Variants in GPHN observed in about 807,000 individuals in gnomAD.
GPHN encodes the protein gephyrin.
A neutral mutation model predicts 95.5 loss-of-function variants in GPHN; 17 were observed. The ratio of observed to expected loss-of-function variants is 0.18; its 90% CI spans 0.12 to 0.27. The LOEUF (loss-of-function observed/expected upper bound fraction) is 0.27. GPHN is among the 10% of genes least tolerant of loss of function. GPHN has a pLI of 1.00. For missense variants in GPHN, 660 were observed against 978.1 expected, an observed-to-expected ratio of 0.67 and a Z score of 4.34; for synonymous variants, 320 against 322.5, an observed-to-expected ratio of 0.99 and a Z score of 0.08.
intron 2 of GPHN, among the ~76,000 whole-genome samples, chr14:66,721,320 T>G (rs2070718379): frequency 6.6e-6 from 1 of 152,208 alleles, no homozygotes; most frequent in Non-Finnish European, 1.5e-5. Context: ...CTAAGGAAAT[T>G]TATTTATTGC....
chr14:67,541,753 G>T, the GPHN span: 2 of 924,224 alleles, frequency 2.2e-6, no homozygotes, highest in Non-Finnish European at 3.1e-6. Flanking sequence ...TCTGTCCTTT[G>T]GTCCCCTCCC....
chr14:66,731,056 C>T (rs998927611), intron 2 of GPHN, among the ~76,000 whole-genome samples: 2 of 152,188 alleles, frequency 1.3e-5, no homozygotes, highest in African/African-American at 4.8e-5. Flanking sequence ...CTCTTGCCTA[C>T]CGCCATGTAA....
chr14:66,961,161 T>G (rs1337910345), intron 8 of GPHN, among the ~76,000 whole-genome samples: 1 of 152,112 alleles, frequency 6.6e-6, no homozygotes, highest in East Asian at 1.9e-4. Context: ...ATTGGAAATG[T>G]GGACTGTTGT....
intron 17 of GPHN, among the ~76,000 whole-genome samples, chr14:67,134,946 C>CTTTTTTTTTTT (rs1191759117): frequency 1.7e-5 from 1 of 59,156 alleles, no homozygotes; most frequent in African/African-American, 6.8e-5. Flanking sequence ...CTCTTTCTTT[C>CTTTTTTTTTTT]TTTCTTCTTT....
At chr14:66,890,757 A>C (rs2064443205) in intron 5 of GPHN, among the ~76,000 whole-genome samples, 1 of 152,128 alleles carries the variant, frequency 6.6e-6, no homozygotes, top group South Asian at 2.1e-4. Context: ...ATGGTTCAAC[A>C]TATGAAAATA....
chr14:66,782,507 G>T (rs1006311170), intron 3 of GPHN, among the ~76,000 whole-genome samples: 2 of 152,070 alleles, frequency 1.3e-5, no homozygotes, highest in Non-Finnish European at 2.9e-5. Flanking sequence ...AAAATGCCTA[G>T]GCATTATAAA....
At chr14:66,562,622 T>C (rs1020859298) in intron 1 of GPHN, among the ~76,000 whole-genome samples, 35 of 152,176 alleles carry the variant, frequency 2.3e-4, no homozygotes, top group African/African-American at 7.2e-4. Context: ...AATAATTTTG[T>C]AGAGGGAAGA....
At chr14:67,630,611 G>A in the GPHN span, among the ~76,000 whole-genome samples, 1 of 152,080 alleles carries the variant, frequency 6.6e-6, no homozygotes, top group African/African-American at 2.4e-5. Context: ...ATGGAGTCTC[G>A]CTCTGTCGCC....
the GPHN span, among the ~76,000 whole-genome samples, chr14:67,699,880 G>T: frequency 6.6e-6 from 1 of 152,146 alleles, no homozygotes; most frequent in South Asian, 2.1e-4. Flanking sequence ...GGTGGCTCAC[G>T]CCTGTACTTC....
chr14:67,541,953 G>A, the GPHN span: 5 of 1,607,410 alleles, frequency 3.1e-6, no homozygotes, highest in African/African-American at 1.3e-5. Flanking sequence ...TTCCGGTTCC[G>A]CCTACAGGCC....
chr14:66,971,366 A>G (rs1194902690), intron 9 of GPHN, among the ~76,000 whole-genome samples: 4 of 152,244 alleles, frequency 2.6e-5, no homozygotes, highest in African/African-American at 7.2e-5. Flanking sequence ...ACATGTTAAC[A>G]TAAACAACAT....
At chr14:67,669,801 C>T in the GPHN span, among the ~76,000 whole-genome samples, 2 of 152,086 alleles carry the variant, frequency 1.3e-5, no homozygotes, top group Admixed American at 6.5e-5. Flanking sequence ...TAATTTCTGC[C>T]TCAAAACCAA....
the GPHN span, among the ~76,000 whole-genome samples, chr14:67,632,808 ATTTTTTTT>A: frequency 8.0e-4 from 50 of 62,412 alleles, no homozygotes; most frequent in African/African-American, 3.1e-3. Context: ...AAGCCTCTTA[ATTTTTTTT>A]TTTTTTTTTT....
At chr14:66,659,300 A>G (rs1000221104) in intron 1 of GPHN, among the ~76,000 whole-genome samples, 2 of 152,022 alleles carry the variant, frequency 1.3e-5, no homozygotes, top group African/African-American at 4.8e-5. Flanking sequence ...TTCTGGTCAA[A>G]TAATATTTTG....
chr14:66,957,191 T>C (rs1336912275), intron 8 of GPHN, among the ~76,000 whole-genome samples: 11 of 111,624 alleles, frequency 9.9e-5, no homozygotes, highest in East Asian at 2.3e-4. Flanking sequence ...TTCTTTCTTT[T>C]TTTTTTTTTT....
At chr14:66,973,165 G>A (rs1476424875) in intron 9 of GPHN, among the ~76,000 whole-genome samples, 1 of 152,018 alleles carries the variant, frequency 6.6e-6, no homozygotes, top group African/African-American at 2.4e-5. Context: ...TTCCATAGAA[G>A]CAGTATTATA....
At chr14:67,460,677 C>T in the GPHN span, among the ~76,000 whole-genome samples, 2 of 152,284 alleles carry the variant, frequency 1.3e-5, 1 homozygote, top group East Asian at 3.9e-4. Flanking sequence ...GCTTTCCAGC[C>T]TGGGCAACAG....
intron 1 of GPHN, among the ~76,000 whole-genome samples, chr14:66,568,105 T>A (rs970874187): frequency 6.6e-6 from 1 of 152,236 alleles, no homozygotes; most frequent in Non-Finnish European, 1.5e-5. Flanking sequence ...GAAGTACTTT[T>A]ATTTCACATT....
At chr14:66,578,730 G>T (rs140927019) in intron 1 of GPHN, among the ~76,000 whole-genome samples, 1 of 141,964 alleles carries the variant, frequency 7.0e-6, no homozygotes, top group Non-Finnish European at 1.5e-5. Flanking sequence ...GAACCATAAA[G>T]TTGTCCCTCA....
Sources: gnomAD v4.1 joint callset for allele counts (sites outside exome capture counted in the v4.1 genomes callset) on GRCh38, gnomAD v4.1.1 for gene constraint, MANE v1.5 for transcripts, NCBI Gene and HGNC (gene_info 2026-07-23, HGNC 2026-07-21) for gene names.